The following ANKS1A variants were observed in gnomAD, a reference collection of about 807,000 sequenced individuals.
ANKS1A encodes the protein ankyrin repeat and sterile alpha motif domain containing 1A.
In ANKS1A, 55 loss-of-function variants were observed where a neutral mutation model predicts 120.3. The observed-to-expected ratio is 0.46, with a 90% CI of 0.37 to 0.57. ANKS1A has a LOEUF of 0.57. Among genes scored for constraint, ANKS1A ranks in the 20% least tolerant of loss-of-function variants. ANKS1A has a pLI of 0.00. For missense variants in ANKS1A, 1,123 were observed against 1,480.3 expected, an observed-to-expected ratio of 0.76 and a Z score of 3.96; for synonymous variants, 590 against 604.7, an observed-to-expected ratio of 0.98 and a Z score of 0.36.
intron 1 of ANKS1A, among the ~76,000 whole-genome samples, chr6:34,900,967 A>T (rs1409008923): frequency 6.6e-6 from 1 of 152,206 alleles, no homozygotes; most frequent in Non-Finnish European, 1.5e-5. Flanking sequence ...TAGCTCCCAC[A>T]TTGCTTTTTC....
intron 1 of ANKS1A, among the ~76,000 whole-genome samples, chr6:34,924,749 C>G (rs997549682): frequency 2.0e-5 from 3 of 152,178 alleles, no homozygotes; most frequent in Non-Finnish European, 2.9e-5. Flanking sequence ...TTCCTGATTT[C>G]AGGAGTCCTT....
intron 1 of ANKS1A, among the ~76,000 whole-genome samples, chr6:34,915,469 C>T (rs1768111467): frequency 6.6e-6 from 1 of 152,136 alleles, no homozygotes; most frequent in Non-Finnish European, 1.5e-5. Context: ...GCCCCAACCT[C>T]CCGAGTAGCT....
chr6:34,939,412 C>A (rs1769418980), intron 1 of ANKS1A, among the ~76,000 whole-genome samples: 1 of 152,172 alleles, frequency 6.6e-6, no homozygotes. Context: ...CTTGTTGATT[C>A]AGTGGGCATC....
chr6:35,028,205 C>T (rs1434653003), intron 11 of ANKS1A, among the ~76,000 whole-genome samples: 1 of 152,184 alleles, frequency 6.6e-6, no homozygotes, highest in Non-Finnish European at 1.5e-5. Flanking sequence ...ATGGAAGAGC[C>T]TTATATCCAT....
intron 10 of ANKS1A, among the ~76,000 whole-genome samples, chr6:35,011,814 G>A (rs939856884): frequency 2.0e-5 from 3 of 152,334 alleles, no homozygotes; most frequent in South Asian, 2.1e-4. Context: ...AATGAAAAAT[G>A]GTGATAATGA....
chr6:34,916,163 T>G (rs2127461360), intron 1 of ANKS1A, among the ~76,000 whole-genome samples: 1 of 152,118 alleles, frequency 6.6e-6, no homozygotes, highest in East Asian at 1.9e-4. Context: ...TGGCTAATTT[T>G]TATATTTTTA....
Position 34,900,469 on chromosome 6 carries a change from A to G in ANKS1A, c.197+10870A>G, listed in dbSNP as rs138850380. ...TCTCTCTGTTTTTTTTTTAATAACA[A>G]AAATAGAGATGGGGTCTCACTATGT... On this transcript the variant is annotated intron_variant, in intron 1 of 23. Coordinates refer to ENST00000360359, the MANE Select transcript of ANKS1A (RefSeq NM_015245.3). Among the ~76,000 whole-genome samples the G allele has an allele frequency of 3.0e-4, 45 of 152,216 alleles. No homozygotes were observed. The East Asian group carries it at 4.1e-3, about 14-fold the overall frequency.
At position 35,060,182 on chromosome 6, in the gene ANKS1A, C is replaced by T; in HGVS notation, c.2113C>T (p.Leu705=). 2.5e-6 allele frequency: 4 copies of T among 1,613,204 alleles called. No individual in the cohort carries two copies. In the South Asian group the frequency reaches 4.4e-5, roughly 18 times the overall value. Residue 705 remains leucine, a synonymous_variant, in exon 13 of 24, where the codon CTG becomes TTG. Transcript: ENST00000360359. The surrounding 1 kb of genome is among the most constrained non-coding windows in gnomAD (Gnocchi z 4.5). ...RTLEQSVGEW[L]ESIGLQQYES... ...GCTGGAGCAGAGTGTCGGGGAGTGG[C>T]TGGAGTCGATTGGGCTGCAGCAGTA...
At chr6:35,087,281 G>A (rs1268856624) in intron 23 of ANKS1A, among the ~76,000 whole-genome samples, 1 of 152,218 alleles carries the variant, frequency 6.6e-6, no homozygotes, top group East Asian at 1.9e-4. Flanking sequence ...CCCTTGGGCT[G>A]AGGACAGCTT....
chr6:35,083,963 C>T (rs900094429), intron 20 of ANKS1A, among the ~76,000 whole-genome samples, 158 bp from the exon 21 acceptor site: 2 of 152,086 alleles, frequency 1.3e-5, no homozygotes, highest in Admixed American at 6.5e-5. Context: ...AATCGGGGAC[C>T]CCCACCCCCA....
intron 13 of ANKS1A, among the ~76,000 whole-genome samples, chr6:35,062,145 C>A (rs940151252): frequency 6.6e-6 from 1 of 152,224 alleles, no homozygotes; most frequent in Non-Finnish European, 1.5e-5. Context: ...CTGTAAGATG[C>A]GTCTGTTCCT....
At chr6:35,081,280 A>G in intron 17 of ANKS1A, 122 bp downstream of exon 17, 1 of 1,301,120 alleles carries the variant, frequency 7.7e-7, no homozygotes, top group Non-Finnish European at 1.0e-6. Flanking sequence ...CAGAGTCAGG[A>G]GGCACTAGCC....
At chr6:34,926,604 G>A (rs552488092) in intron 1 of ANKS1A, among the ~76,000 whole-genome samples, 25 of 152,272 alleles carry the variant, frequency 1.6e-4, no homozygotes, top group Admixed American at 3.9e-4. Context: ...AGTGTGGTCT[G>A]TCTCTGTGCT....
chr6:34,989,126 T>C (rs1308866444), intron 8 of ANKS1A, 98 bp from the exon 9 acceptor site: 10 of 1,101,398 alleles, frequency 9.1e-6, no homozygotes, highest in African/African-American at 1.6e-5. Flanking sequence ...GTTCCATACA[T>C]TATTTTTTTC....
At chr6:35,016,829 G>A (rs1774032338) in intron 10 of ANKS1A, among the ~76,000 whole-genome samples, 1 of 151,434 alleles carries the variant, frequency 6.6e-6, no homozygotes, top group Non-Finnish European at 1.5e-5. Context: ...GGAAGGATGA[G>A]GCGTGGAACT....
At chr6:34,974,346 CTTCCCT>C (rs1771435728) in intron 3 of ANKS1A, among the ~76,000 whole-genome samples, 3 of 25,604 alleles carry the variant, frequency 1.2e-4, no homozygotes, top group East Asian at 1.3e-3. Context: ...TCCCCTTCCT[CTTCCCT>C]TCCCCTTCCA....
At chr6:35,055,062 T>C (rs917669821) in intron 12 of ANKS1A, among the ~76,000 whole-genome samples, 1 of 152,198 alleles carries the variant, frequency 6.6e-6, no homozygotes, top group Non-Finnish European at 1.5e-5. Flanking sequence ...CTCTAGTTCC[T>C]CCATGGGCTT....
At chr6:35,039,192 CTTT>C (rs35565672) in intron 11 of ANKS1A, among the ~76,000 whole-genome samples, 5 of 83,786 alleles carry the variant, frequency 6.0e-5, no homozygotes, top group African/African-American at 2.4e-4. Context: ...CTCCCTCATA[CTTT>C]TTTTTTTTTT....
intron 1 of ANKS1A, among the ~76,000 whole-genome samples, chr6:34,958,665 C>A (rs1770489121): frequency 3.3e-5 from 5 of 152,158 alleles, no homozygotes; most frequent in Admixed American, 3.3e-4. Flanking sequence ...CCGGCCTGTT[C>A]AACCTTGCAT....
Sources: gnomAD v4.1 joint callset for allele counts (sites outside exome capture counted in the v4.1 genomes callset) on GRCh38, gnomAD v4.1.1 for gene constraint, Gnocchi (gnomAD v3.1) non-coding constraint, MANE v1.5 for transcripts, NCBI Gene and HGNC (gene_info 2026-07-23, HGNC 2026-07-21) for gene names.